SHISA6: variants seen among roughly 807,000 people sequenced by gnomAD.
SHISA6 encodes protein shisa-6.
Under a neutral mutation model 47.9 loss-of-function variants are expected in SHISA6, and 22 were observed. That is an observed-to-expected ratio of 0.46 (90% CI 0.33 to 0.66). SHISA6 has a LOEUF of 0.66. Ranked by LOEUF, SHISA6 falls within the 30% of genes least tolerant of loss-of-function variation. The pLI is 0.02. For synonymous variants in SHISA6, 388 were observed against 337.8 expected (o/e 1.15, Z -1.63); for missense variants, 680 against 764.6 (o/e 0.89, Z 1.30).
intron 3 of SHISA6, among the ~76,000 whole-genome samples, chr17:11,420,327 T>G (rs938287579): frequency 1.3e-5 from 2 of 152,202 alleles, no homozygotes; most frequent in African/African-American, 4.8e-5. Flanking sequence ...CCCCTATTCA[T>G]GTAAAACATT....
Position 11,561,879 on chromosome 17 carries a change from G to T in SHISA6, c.*3575G>T, listed in dbSNP as rs2142396913. ...CCTTCATCTCCTGCCCCTGTGAGTT[G>T]ATACCCCAGTGCACGGAGCCAAGGG... On this transcript the variant is annotated 3_prime_UTR_variant, in exon 6 of 6. Transcript: ENST00000441885. 1 of 152,280 alleles carries T rather than the reference G, an allele frequency of 6.6e-6. No homozygotes were observed. The highest frequency in any genetic ancestry group is 2.4e-5 in the African/African-American group (1 of 41,512). The allele number at this position is 152,280 out of a possible 1,614,324, so 9.4% of individuals were successfully genotyped here. A position where few individuals can be genotyped will look rare whatever the true frequency, so the allele number is the denominator to read the frequency against.
chr17:11,515,261 A>G (rs994526124), intron 3 of SHISA6, among the ~76,000 whole-genome samples: 1 of 150,512 alleles, frequency 6.6e-6, no homozygotes, highest in Non-Finnish European at 1.5e-5. Context: ...AAAAAAAAGA[A>G]AAAAGAAAAT....
chr17:11,309,781 T>C (rs990840405), intron 2 of SHISA6, among the ~76,000 whole-genome samples: 3 of 152,246 alleles, frequency 2.0e-5, no homozygotes, highest in African/African-American at 2.4e-5. Context: ...TGTTTCTCTT[T>C]TAAGGTTCTT....
intron 2 of SHISA6, among the ~76,000 whole-genome samples, chr17:11,302,967 C>T (rs980793021): frequency 5.3e-5 from 8 of 152,200 alleles, no homozygotes; most frequent in Non-Finnish European, 8.8e-5. Flanking sequence ...TGTCATTTCC[C>T]ATCAAGCTGG....
At chr17:11,424,913 A>G (rs1165846371) in intron 3 of SHISA6, among the ~76,000 whole-genome samples, 1 of 147,940 alleles carries the variant, frequency 6.8e-6, no homozygotes, top group East Asian at 2.1e-4. Flanking sequence ...GGGCTGAGGC[A>G]GGAGAATGGC....
intron 1 of SHISA6, among the ~76,000 whole-genome samples, chr17:11,252,266 T>G (rs190898412): frequency 6.6e-6 from 1 of 152,158 alleles, no homozygotes; most frequent in East Asian, 1.9e-4. Flanking sequence ...TCGCAAACAC[T>G]CTCATTATTC....
chr17:11,338,542 C>T lies in SHISA6; in HGVS notation c.800-40872C>T, dbSNP rs528923654. On this transcript the variant is annotated intron_variant, in intron 2 of 5. Coordinates refer to ENST00000441885, the MANE Select transcript of SHISA6 (RefSeq NM_207386.4). ...TCAGCCTCCTGAGTAGCTGGGACTA[C>T]AGGCATGCGCCACCACACCCAGCTA... is the stretch of plus-strand genomic sequence containing the variant. 5.3e-5 allele frequency among the ~76,000 whole-genome samples: 8 copies of T among 152,124 alleles called. 1 individual carries two copies. In the Middle Eastern group the frequency reaches 0.014, roughly 259 times the overall value.
chr17:11,283,310 T>C (rs1399393336), intron 2 of SHISA6, among the ~76,000 whole-genome samples: 1 of 152,220 alleles, frequency 6.6e-6, no homozygotes, highest in Non-Finnish European at 1.5e-5. Flanking sequence ...TTGTTTCCAT[T>C]TAATAGGTGA....
intron 2 of SHISA6, among the ~76,000 whole-genome samples, chr17:11,299,202 A>G (rs1321424975): frequency 6.6e-6 from 1 of 152,180 alleles, no homozygotes; most frequent in Non-Finnish European, 1.5e-5. Flanking sequence ...CTGGATTTTA[A>G]TGTTCTCCCC....
At chr17:11,428,748 C>CT (rs1231682578) in intron 3 of SHISA6, among the ~76,000 whole-genome samples, 1 of 147,092 alleles carries the variant, frequency 6.8e-6, no homozygotes, top group Non-Finnish European at 1.5e-5. Flanking sequence ...CTACAGTCTT[C>CT]TGAAGGCTCA....
intron 2 of SHISA6, among the ~76,000 whole-genome samples, chr17:11,270,176 A>T (rs1229643970): frequency 6.6e-6 from 1 of 152,166 alleles, no homozygotes; most frequent in Non-Finnish European, 1.5e-5. Flanking sequence ...GGGTTTCACC[A>T]TGTTGGTCAG....
intron 2 of SHISA6, among the ~76,000 whole-genome samples, chr17:11,299,884 G>C (rs1047050484): frequency 1.7e-4 from 26 of 152,194 alleles, no homozygotes; most frequent in Middle Eastern, 3.4e-3. Flanking sequence ...GGTGGCTCAC[G>C]TCTGTAATCT....
At position 11,373,769 on chromosome 17, in the gene SHISA6, A is replaced by G. The variant is rs576182505; in HGVS notation, c.800-5645A>G. ...TTTCATTTGTACTGTATAAGAATAC[A>G]TTGTGTGAGTACACCACTATTTATG... is the stretch of plus-strand genomic sequence containing the variant. On this transcript the variant is annotated intron_variant, in intron 2 of 5. Transcript: ENST00000441885. 7.9e-5 allele frequency among the ~76,000 whole-genome samples: 12 copies of G among 152,358 alleles called. No homozygotes were observed. The South Asian group carries it at 2.5e-3, about 32-fold the overall frequency.
At chr17:11,501,355 A>G (rs1309355004) in intron 3 of SHISA6, among the ~76,000 whole-genome samples, 1 of 151,994 alleles carries the variant, frequency 6.6e-6, no homozygotes, top group Non-Finnish European at 1.5e-5. Context: ...CAGGTGATCC[A>G]CCCGCCTCAG....
chr17:11,550,684 C>T (rs1006366370), intron 3 of SHISA6, among the ~76,000 whole-genome samples: 1 of 152,118 alleles, frequency 6.6e-6, no homozygotes, highest in Non-Finnish European at 1.5e-5. Flanking sequence ...CACTTTGGGA[C>T]TTAATGATTT....
intron 3 of SHISA6, among the ~76,000 whole-genome samples, chr17:11,415,937 G>A (rs962750849): frequency 2.0e-5 from 3 of 152,200 alleles, no homozygotes; most frequent in African/African-American, 7.2e-5. Flanking sequence ...CAGGATCGAG[G>A]TGATAGATCC....
chr17:11,497,098 A>T (rs2071415638), intron 3 of SHISA6, among the ~76,000 whole-genome samples: 1 of 151,982 alleles, frequency 6.6e-6, no homozygotes, highest in Admixed American at 6.5e-5. Flanking sequence ...GGGCCCCTGT[A>T]GATTCTCTCC....
chr17:11,271,832 G>C (rs943996638), intron 2 of SHISA6, among the ~76,000 whole-genome samples: 34 of 151,958 alleles, frequency 2.2e-4, no homozygotes, highest in African/African-American at 7.3e-4. Flanking sequence ...GACCCCATCT[G>C]TTCCTGGTCC....
At chr17:11,277,137 A>C (rs67364856) in intron 2 of SHISA6, among the ~76,000 whole-genome samples, 33,005 of 151,932 alleles carry the variant, frequency 0.22, 4,677 homozygotes, top group East Asian at 0.49. Flanking sequence ...GAGTTTTGGC[A>C]GATGAGCTGA....
Sources: gnomAD v4.1 joint callset for allele counts (sites outside exome capture counted in the v4.1 genomes callset) on GRCh38, gnomAD v4.1.1 for gene constraint, MANE v1.5 for transcripts, NCBI Gene and HGNC (gene_info 2026-07-23, HGNC 2026-07-21) for gene names.